Variants in JAZF1 observed in about 807,000 individuals in gnomAD.
JAZF1 encodes the protein JAZF zinc finger 1.
JAZF1 carries 8 observed loss-of-function variants against 26.4 expected under a neutral mutation model. The ratio of observed to expected loss-of-function variants is 0.30; its 90% confidence interval spans 0.18 to 0.55. The LOEUF (loss-of-function observed/expected upper bound fraction) is 0.55, where lower values mean the gene tolerates loss of function less well. Among genes scored for constraint, JAZF1 ranks in the 20% least tolerant of loss-of-function variants. The probability of loss-of-function intolerance (pLI) is 0.94; values close to 1 mark genes in which losing one functional copy is unlikely to be tolerated. For missense variants in JAZF1, 199 were observed against 322.0 expected, an observed-to-expected ratio of 0.62 and a Z score of 2.92; for synonymous variants, 126 against 122.3, an observed-to-expected ratio of 1.03 and a Z score of -0.20.
intron 1 of JAZF1, among the ~76,000 whole-genome samples, chr7:28,088,994 A>C (rs1388655242): frequency 1.3e-5 from 2 of 152,216 alleles, no homozygotes; most frequent in African/African-American, 4.8e-5. Flanking sequence ...TCCAATCATC[A>C]CCAATTTCCA....
chr7:27,978,027 T>C (rs1438001594), intron 2 of JAZF1, among the ~76,000 whole-genome samples: 2 of 152,252 alleles, frequency 1.3e-5, no homozygotes, highest in Non-Finnish European at 2.9e-5. Context: ...TATTTAAATA[T>C]TTTTATGCTG....
rs549596008 is a variant in JAZF1, at chr7:27,901,142, C to T, written c.189-5726G>A. Among the ~76,000 whole-genome samples, 18 of 152,324 alleles carry T rather than the reference C, an allele frequency of 1.2e-4. No homozygotes were observed. The South Asian group carries it at 3.5e-3, about 30-fold the overall frequency. ...CACTGTTGACTAACAGCCTGAAAATCTGCGGTCAGGCAAAGCAGTGTTTTC... is the reference window on the plus strand; with the variant it reads ...CACTGTTGACTAACAGCCTGAAAATTTGCGGTCAGGCAAAGCAGTGTTTTC... On this transcript the variant is annotated intron_variant, in intron 2 of 4. Coordinates refer to ENST00000283928, the MANE Select transcript of JAZF1 (RefSeq NM_175061.4).
At position 27,995,058 on chromosome 7, in the gene JAZF1, A is replaced by C. The variant is rs577326102; in HGVS notation, c.116-3077T>G. 1.7e-3 allele frequency among the ~76,000 whole-genome samples: 262 copies of C among 152,332 alleles called. 1 individual carries two copies. Among genetic ancestry groups the C allele is most frequent in the Middle Eastern group, 0.01 (3 of 294 alleles). On this transcript the variant is annotated intron_variant, in intron 1 of 4. Coordinates refer to ENST00000283928, the MANE Select transcript of JAZF1 (RefSeq NM_175061.4). ...CAATCAGAACAAACTGGAAAGAGTA[A>C]CACTATTCATTAGACATTACTAAAT...
At chr7:28,097,425 T>C (rs1392726067) in intron 1 of JAZF1, among the ~76,000 whole-genome samples, 3 of 152,244 alleles carry the variant, frequency 2.0e-5, no homozygotes, top group Admixed American at 6.5e-5. Context: ...AAGCATTTAT[T>C]AGGTGTCTCT....
chr7:28,053,594 C>G (rs1783650462), intron 1 of JAZF1, among the ~76,000 whole-genome samples: 1 of 152,064 alleles, frequency 6.6e-6, no homozygotes, highest in South Asian at 2.1e-4. Context: ...CAAAAGAAAA[C>G]AATAGATAAA....
At chr7:28,012,200 C>A (rs188291538) in intron 1 of JAZF1, among the ~76,000 whole-genome samples, 2 of 152,250 alleles carry the variant, frequency 1.3e-5, no homozygotes, top group East Asian at 3.9e-4. Context: ...CAGAAATGCA[C>A]TGGTATGTAT....
At chr7:27,838,140 G>A (rs1035229367) in intron 4 of JAZF1, among the ~76,000 whole-genome samples, 2 of 151,798 alleles carry the variant, frequency 1.3e-5, no homozygotes, top group African/African-American at 2.4e-5. Flanking sequence ...TATGAGAACT[G>A]CCCATTCCCT....
At chr7:27,989,884 C>T (rs1368779088) in intron 2 of JAZF1, among the ~76,000 whole-genome samples, 2 of 152,188 alleles carry the variant, frequency 1.3e-5, no homozygotes, top group Non-Finnish European at 2.9e-5. Flanking sequence ...GGCGATTCCT[C>T]AGGGATCTAG....
intron 3 of JAZF1, among the ~76,000 whole-genome samples, chr7:27,892,161 A>G (rs1367199417): frequency 6.6e-6 from 1 of 152,220 alleles, no homozygotes; most frequent in African/African-American, 2.4e-5. Context: ...CATTCCAAAC[A>G]TTGAAAAATG....
chr7:28,059,844 TA>T (rs1259992210), intron 1 of JAZF1, among the ~76,000 whole-genome samples: 1 of 152,234 alleles, frequency 6.6e-6, no homozygotes, highest in Non-Finnish European at 1.5e-5. Context: ...CTTTGAAAGC[TA>T]CATGTCTTTT....
At chr7:28,067,325 G>T (rs1783899441) in intron 1 of JAZF1, among the ~76,000 whole-genome samples, 1 of 152,196 alleles carries the variant, frequency 6.6e-6, no homozygotes, top group African/African-American at 2.4e-5. Context: ...GAGTTCTGTT[G>T]TTCTGGTTGT....
rs550606490 is a variant in JAZF1, at chr7:28,119,159, GA to G, written c.115+61303del. ...TCTCCCTACCCACTCCCACCCTCAA[GA>G]AGCTCCTGCTTCCCATGGCAACCTG... On this transcript the variant is annotated intron_variant, in intron 1 of 4. Transcript: ENST00000283928. 6.3e-4 allele frequency among the ~76,000 whole-genome samples: 96 copies of G among 152,158 alleles called. No homozygotes were observed. In the Middle Eastern group the frequency reaches 0.01, roughly 16 times the overall value.
chr7:27,862,058 GT>G (rs1783391914), intron 3 of JAZF1, among the ~76,000 whole-genome samples: 1 of 152,216 alleles, frequency 6.6e-6, no homozygotes, highest in Non-Finnish European at 1.5e-5. Flanking sequence ...GCCTCGCAGA[GT>G]TAGGGAGGAT....
rs183878614 is a variant in JAZF1, at chr7:27,924,420, G to A, written c.189-29004C>T. 2.9e-3 allele frequency among the ~76,000 whole-genome samples: 444 copies of A among 152,286 alleles called. 1 individual carries two copies. Among genetic ancestry groups the A allele is most frequent in the African/African-American group, 0.01 (430 of 41,548 alleles). ...TAAGGACAATGTTGACCATTTGTCTGCAGCCAAATTCAGAAATGCTCTGAC... is the reference window on the plus strand; with the variant it reads ...TAAGGACAATGTTGACCATTTGTCTACAGCCAAATTCAGAAATGCTCTGAC... On this transcript the variant is annotated intron_variant, in intron 2 of 4. Transcript: ENST00000283928.
chr7:27,964,741 T>C (rs568139297), intron 2 of JAZF1, among the ~76,000 whole-genome samples: 47 of 151,626 alleles, frequency 3.1e-4, no homozygotes, highest in Non-Finnish European at 5.7e-4. Flanking sequence ...CCAACATATT[T>C]TGGTAGTCAT....
At chr7:27,837,464 C>T (rs1417613464) in intron 4 of JAZF1, among the ~76,000 whole-genome samples, 2 of 152,218 alleles carry the variant, frequency 1.3e-5, no homozygotes, top group African/African-American at 4.8e-5. Flanking sequence ...ATTCCTTTGC[C>T]CTCAGAGCAT....
chr7:28,150,226 T>C (rs2127948219), intron 1 of JAZF1, among the ~76,000 whole-genome samples: 1 of 152,224 alleles, frequency 6.6e-6, no homozygotes, highest in East Asian at 1.9e-4. Context: ...TGTCATCTTG[T>C]CAAAGGTGGG....
intron 2 of JAZF1, among the ~76,000 whole-genome samples, chr7:27,933,290 C>A (rs1234064061): frequency 6.6e-6 from 1 of 152,136 alleles, no homozygotes; most frequent in Non-Finnish European, 1.5e-5. Flanking sequence ...CAAACAATCA[C>A]TAGCTGACCA....
chr7:27,994,824 G>A (rs1331374779), intron 1 of JAZF1, among the ~76,000 whole-genome samples: 1 of 152,148 alleles, frequency 6.6e-6, no homozygotes, highest in African/African-American at 2.4e-5. Flanking sequence ...ATTTAATTAT[G>A]CTGTTGAGCA....
Sources: allele counts gnomAD v4.1 joint callset (sites outside exome capture counted in the v4.1 genomes callset), GRCh38; gene constraint gnomAD v4.1.1; transcripts MANE v1.5; gene names NCBI Gene and HGNC (gene_info 2026-07-23, HGNC 2026-07-21).